Variants in TMTC1 observed in about 807,000 individuals in gnomAD.
The protein encoded by TMTC1 is protein O-mannosyl-transferase TMTC1.
A neutral mutation model predicts 104.8 loss-of-function variants in TMTC1; 73 were observed. The observed-to-expected ratio is 0.70, with a 90% CI of 0.58 to 0.85. The LOEUF is 0.85. Ranked by LOEUF, TMTC1 falls within the 40% of genes least tolerant of loss-of-function variation. The pLI is 0.00. For missense variants in TMTC1, 1,035 were observed against 1,096.1 expected (o/e 0.94, Z 0.79); for synonymous variants, 434 against 428.7 (o/e 1.01, Z -0.15).
chr12:29,578,607 C>T (rs902577754), intron 8 of TMTC1, among the ~76,000 whole-genome samples: 3 of 152,136 alleles, frequency 2.0e-5, no homozygotes, highest in African/African-American at 7.2e-5. Flanking sequence ...GATTTTAAAT[C>T]CACGCATTTC....
intron 10 of TMTC1, among the ~76,000 whole-genome samples, chr12:29,553,163 C>T (rs1344092192): frequency 1.3e-5 from 2 of 152,058 alleles, no homozygotes; most frequent in East Asian, 1.9e-4. Context: ...TATTTGGGCA[C>T]GTGGGTAATG....
intron 5 of TMTC1, among the ~76,000 whole-genome samples, chr12:29,675,630 A>ACCCC (rs796149279): frequency 1.4e-4 from 13 of 94,938 alleles, no homozygotes; most frequent in Admixed American, 3.6e-4. Flanking sequence ...ACACACACAC[A>ACCCC]CCCTCCATGA....
intron 5 of TMTC1, among the ~76,000 whole-genome samples, chr12:29,671,796 G>A (rs1940528191): frequency 6.6e-6 from 1 of 152,160 alleles, no homozygotes; most frequent in African/African-American, 2.4e-5. Context: ...AAGTACTAAA[G>A]AAAGAAATCA....
intron 15 of TMTC1, among the ~76,000 whole-genome samples, chr12:29,515,361 G>A (rs1943953678): frequency 6.6e-6 from 1 of 152,054 alleles, no homozygotes; most frequent in Non-Finnish European, 1.5e-5. Context: ...CTTCTCCCAT[G>A]GTAAGGAACA....
chr12:29,772,127 T>C lies in TMTC1; in HGVS notation c.303-4052A>G, dbSNP rs138427876. ...GTTTAGCCTGCAGGTTGTTCTGTTT[T>C]ACTTTCATACTTCTTTTTTATTTAT... On this transcript the variant is annotated intron_variant, in intron 1 of 17. Transcript: ENST00000539277. Among the ~76,000 whole-genome samples the C allele has an allele frequency of 2.4e-4, 37 of 152,350 alleles. No individual in the cohort carries two copies. The East Asian group carries it at 6.9e-3, about 29-fold the overall frequency.
At chr12:29,529,662 A>G (rs1944444875) in intron 11 of TMTC1, among the ~76,000 whole-genome samples, 1 of 152,108 alleles carries the variant, frequency 6.6e-6, no homozygotes, top group South Asian at 2.1e-4. Flanking sequence ...CTGTTTTCTC[A>G]CCCTCTTCTT....
intron 2 of TMTC1, among the ~76,000 whole-genome samples, chr12:29,762,764 A>G (rs910019296): frequency 6.6e-6 from 1 of 152,252 alleles, no homozygotes; most frequent in Non-Finnish European, 1.5e-5. Flanking sequence ...GGAAGACTGC[A>G]TGACTCAAGA....
chr12:29,667,479 C>T (rs750277076), intron 5 of TMTC1, among the ~76,000 whole-genome samples: 36 of 151,936 alleles, frequency 2.4e-4, no homozygotes, highest in Admixed American at 2.2e-3. Context: ...GTGAAAATGA[C>T]GACAAAGAAG....
chr12:29,526,678 G>T (rs770322080), intron 11 of TMTC1, among the ~76,000 whole-genome samples: 11 of 152,038 alleles, frequency 7.2e-5, no homozygotes, highest in Non-Finnish European at 1.5e-4. Flanking sequence ...TTGAAGATAC[G>T]CCATTCTAGG....
At chr12:29,655,733 C>T (rs1029284717) in intron 5 of TMTC1, among the ~76,000 whole-genome samples, 9 of 151,990 alleles carry the variant, frequency 5.9e-5, no homozygotes, top group East Asian at 1.9e-4. Flanking sequence ...ATAATGTAAA[C>T]GAGTGAATCT....
In TMTC1 at chr12:29,501,020, A is replaced by C. The variant is rs973675852; in HGVS notation, c.*5826T>G. 3.3e-5 allele frequency: 5 copies of C among 152,676 alleles called. No individual in the cohort carries two copies. Among genetic ancestry groups the C allele is most frequent in the African/African-American group, 1.2e-4 (5 of 41,462 alleles). 9.5% of individuals were successfully genotyped at this position (152,676 alleles called of 1,614,324 possible). A position where few individuals can be genotyped will look rare whatever the true frequency, so the allele number is the denominator to read the frequency against. On this transcript the variant is annotated 3_prime_UTR_variant, in exon 18 of 18. Coordinates refer to ENST00000539277, the MANE Select transcript of TMTC1 (RefSeq NM_001193451.2). The stretch of plus-strand genomic sequence containing the variant: ...CATACAACTGATCCAAACAGGAAGT[A>C]AAAGCATTATGAAAAAAGAACATGA...
chr12:29,659,965 A>G (rs1939937029), intron 5 of TMTC1: 8 of 1,535,670 alleles, frequency 5.2e-6, no homozygotes, highest in African/African-American at 2.7e-5. Flanking sequence ...CACAGACGGA[A>G]GTACAAAATG....
At chr12:29,731,589 G>A (rs755340473) in intron 5 of TMTC1, among the ~76,000 whole-genome samples, 1 of 152,052 alleles carries the variant, frequency 6.6e-6, no homozygotes, top group Non-Finnish European at 1.5e-5. Context: ...TTGAATTTTT[G>A]CAATCAGACC....
chr12:29,609,231 T>A (rs1163143068), intron 6 of TMTC1, among the ~76,000 whole-genome samples: 1 of 152,200 alleles, frequency 6.6e-6, no homozygotes, highest in Non-Finnish European at 1.5e-5. Flanking sequence ...CCTAAGGATT[T>A]ATTTGGCAGC....
intron 7 of TMTC1, among the ~76,000 whole-genome samples, chr12:29,602,447 T>C (rs1253964908): frequency 2.0e-5 from 3 of 152,194 alleles, no homozygotes; most frequent in African/African-American, 7.2e-5. Flanking sequence ...CTATAACGGT[T>C]TCATTTAATG....
chr12:29,753,828 T>C (rs1943149771), intron 4 of TMTC1, among the ~76,000 whole-genome samples: 1 of 152,216 alleles, frequency 6.6e-6, no homozygotes, highest in African/African-American at 2.4e-5. Context: ...AATGAATGCC[T>C]CCACTTAAGC....
chr12:29,685,432 T>C (rs1165100460), intron 5 of TMTC1, among the ~76,000 whole-genome samples: 2 of 150,748 alleles, frequency 1.3e-5, no homozygotes, highest in African/African-American at 2.4e-5. Flanking sequence ...GTACAATACA[T>C]TAAAAATTGT....
chr12:29,516,807 T>C (rs1328746075), intron 14 of TMTC1, among the ~76,000 whole-genome samples: 1 of 152,166 alleles, frequency 6.6e-6, no homozygotes, highest in Non-Finnish European at 1.5e-5. Flanking sequence ...GAACAGTGTG[T>C]TTACAGCAAG....
intron 8 of TMTC1, among the ~76,000 whole-genome samples, chr12:29,573,033 T>C (rs937129188): frequency 6.6e-6 from 1 of 152,198 alleles, no homozygotes; most frequent in Non-Finnish European, 1.5e-5. Flanking sequence ...TGGAAACCCA[T>C]GCAACTGGTT....
Sources: gnomAD v4.1 joint callset for allele counts (sites outside exome capture counted in the v4.1 genomes callset) on GRCh38, gnomAD v4.1.1 for gene constraint, MANE v1.5 for transcripts, NCBI Gene and HGNC (gene_info 2026-07-23, HGNC 2026-07-21) for gene names.